Variants in NMNAT3 observed in about 807,000 individuals in gnomAD.
NMNAT3 encodes nicotinamide nucleotide adenylyltransferase 3, also known as nicotinamide/nicotinic acid mononucleotide adenylyltransferase 3.
In NMNAT3, 21 loss-of-function variants were observed where a neutral mutation model predicts 24.8. That is an observed-to-expected ratio of 0.85 (90% CI 0.60 to 1.22). The LOEUF is 1.22. NMNAT3 is among the 50% of genes most tolerant of loss of function. The probability of loss-of-function intolerance (pLI) is 0.00; values close to 1 mark genes in which losing one functional copy is unlikely to be tolerated. For synonymous variants in NMNAT3, 136 were observed against 155.2 expected (o/e 0.88, Z 0.92); for missense variants, 387 against 436.6 (o/e 0.89, Z 1.01).
intron 1 of NMNAT3, among the ~76,000 whole-genome samples, chr3:139,641,565 C>T (rs372449734): frequency 2.6e-5 from 4 of 152,146 alleles, no homozygotes; most frequent in African/African-American, 9.7e-5. Flanking sequence ...CTAAAGAACA[C>T]TCCATTCTCA....
chr3:139,591,028 G>C (rs992645525), intron 3 of NMNAT3, among the ~76,000 whole-genome samples: 4 of 151,982 alleles, frequency 2.6e-5, no homozygotes, highest in African/African-American at 9.7e-5. Flanking sequence ...CACAGAAGAC[G>C]GGTGATTTCT....
chr3:139,578,692 C>T (rs966991280), intron 5 of NMNAT3, among the ~76,000 whole-genome samples, 180 bp downstream of exon 5: 1 of 152,052 alleles, frequency 6.6e-6, no homozygotes, highest in Non-Finnish European at 1.5e-5. Context: ...GCTCAGGGAC[C>T]TCTCTGAGAA....
chr3:139,599,376 C>T, intron 3 of NMNAT3: 1 of 702,460 alleles, frequency 1.4e-6, no homozygotes, highest in South Asian at 1.5e-5. Context: ...CTGGCCCCTA[C>T]CACCTCATGC....
At chr3:139,661,013 T>C (rs769592811) in intron 1 of NMNAT3, among the ~76,000 whole-genome samples, 1 of 152,172 alleles carries the variant, frequency 6.6e-6, no homozygotes, top group African/African-American at 2.4e-5. Flanking sequence ...TTTTTTTGTA[T>C]CATAATACAG....
At chr3:139,576,912 C>T (rs950282164) in intron 5 of NMNAT3, among the ~76,000 whole-genome samples, 2 of 151,964 alleles carry the variant, frequency 1.3e-5, no homozygotes, top group African/African-American at 4.8e-5. Flanking sequence ...AAAAAATTAG[C>T]TGGGCATGGT....
chr3:139,572,619 C>A (rs1221211531), intron 6 of NMNAT3, among the ~76,000 whole-genome samples: 1 of 152,154 alleles, frequency 6.6e-6, no homozygotes, highest in Non-Finnish European at 1.5e-5. Flanking sequence ...TGCATGGCAC[C>A]TTTAGGGCCT....
At chr3:139,669,185 C>T (rs772818822) in intron 1 of NMNAT3, among the ~76,000 whole-genome samples, 24 of 152,050 alleles carry the variant, frequency 1.6e-4, no homozygotes, top group Admixed American at 2.6e-4. Context: ...ATAAAATGGA[C>T]GGGGGCACTG....
chr3:139,580,600 C>A (rs1288895218), intron 4 of NMNAT3, among the ~76,000 whole-genome samples: 2 of 152,148 alleles, frequency 1.3e-5, no homozygotes, highest in African/African-American at 4.8e-5. Context: ...CACCTGGCAG[C>A]CCGAATTCAG....
intron 3 of NMNAT3, among the ~76,000 whole-genome samples, chr3:139,594,156 A>G (rs914343925): frequency 3.3e-5 from 5 of 152,224 alleles, no homozygotes; most frequent in African/African-American, 1.2e-4. Flanking sequence ...CAGAAATACA[A>G]ACTACCATCA....
intron 3 of NMNAT3, among the ~76,000 whole-genome samples, chr3:139,614,013 G>C (rs914856424): frequency 5.3e-5 from 8 of 152,020 alleles, no homozygotes; most frequent in African/African-American, 1.9e-4. Context: ...GGGAGGGATA[G>C]CATTAGGAGA....
intron 1 of NMNAT3, among the ~76,000 whole-genome samples, chr3:139,650,266 TTTTATGACTCCTTA>T (rs1342391415): frequency 2.6e-5 from 4 of 152,354 alleles, no homozygotes; most frequent in Admixed American, 2.6e-4. Context: ...AGTGTTGACA[TTTTATGACTCCTTA>T]TTACAAATTT....
At chr3:139,573,813 C>T (rs1367350271) in intron 5 of NMNAT3, 133 bp from the exon 6 acceptor site, 3 of 517,078 alleles carry the variant, frequency 5.8e-6, no homozygotes, top group Non-Finnish European at 1.0e-5. Context: ...CTGTTGAGGG[C>T]CTACTCTGTG....
At chr3:139,566,275 T>C (rs1252812827) in intron 6 of NMNAT3, 2 of 152,134 alleles carry the variant, frequency 1.3e-5, no homozygotes, top group Non-Finnish European at 2.9e-5. Flanking sequence ...CTTTGTCAGA[T>C]GAGTAGGTTG....
At chr3:139,581,032 A>T (rs763267669) in intron 4 of NMNAT3, among the ~76,000 whole-genome samples, 6 of 152,224 alleles carry the variant, frequency 3.9e-5, no homozygotes, top group African/African-American at 7.2e-5. Flanking sequence ...TAAACTAGAC[A>T]TAGACAACTC....
intron 1 of NMNAT3, among the ~76,000 whole-genome samples, chr3:139,642,202 T>G (rs1378801699): frequency 6.6e-6 from 1 of 152,210 alleles, no homozygotes; most frequent in African/African-American, 2.4e-5. Flanking sequence ...TTCTCCAGAC[T>G]TATTATTATA....
At chr3:139,575,697 G>A (rs543645330) in intron 5 of NMNAT3, 102 of 1,023,386 alleles carry the variant, frequency 1.0e-4, no homozygotes, top group African/African-American at 7.5e-4. Context: ...CTTCCACTGC[G>A]CCTCTATGGG....
At chr3:139,641,980 C>T in intron 1 of NMNAT3, among the ~76,000 whole-genome samples, 1 of 152,082 alleles carries the variant, frequency 6.6e-6, no homozygotes, top group East Asian at 1.9e-4. Flanking sequence ...TAGTTCTGGC[C>T]AATGAGATGC....
intron 6 of NMNAT3, among the ~76,000 whole-genome samples, chr3:139,565,062 C>T (rs1056825249): frequency 1.3e-5 from 2 of 152,012 alleles, no homozygotes; most frequent in African/African-American, 4.8e-5. Context: ...GATTTTTTTC[C>T]ACTTCCTTCA....
chr3:139,575,060 A>T, intron 5 of NMNAT3, among the ~76,000 whole-genome samples: 1 of 152,190 alleles, frequency 6.6e-6, no homozygotes, highest in South Asian at 2.1e-4. Flanking sequence ...AATAAGTGTT[A>T]GCTGTTATTA....
Sources: allele counts gnomAD v4.1 joint callset (sites outside exome capture counted in the v4.1 genomes callset), GRCh38; gene constraint gnomAD v4.1.1; transcripts MANE v1.5; gene names NCBI Gene and HGNC (gene_info 2026-07-23, HGNC 2026-07-21).